The following PASD1 variants were observed in gnomAD, a reference collection of about 807,000 sequenced individuals.
PASD1 encodes circadian clock protein PASD1.
PASD1 carries 13 observed loss-of-function variants against 58.8 expected under a neutral mutation model. The ratio of observed to expected loss-of-function variants is 0.22; its 90% CI spans 0.14 to 0.35. The LOEUF (loss-of-function observed/expected upper bound fraction) is 0.35. Ranked by LOEUF, PASD1 falls within the 10% of genes least tolerant of loss-of-function variation. The pLI is 1.00. For missense variants in PASD1, 734 were observed against 568.3 expected (o/e 1.29, Z -2.96); for synonymous variants, 236 against 216.7 (o/e 1.09, Z -0.78).
chrX:151,653,390 C>G (rs908041131), intron 9 of PASD1, among the ~76,000 whole-genome samples: 4 of 109,323 alleles, frequency 3.7e-5, no homozygotes, highest in Admixed American at 9.8e-5. Flanking sequence ...CGGGGTTTCA[C>G]CGTGTTGGCC....
intron 8 of PASD1, among the ~76,000 whole-genome samples, chrX:151,642,697 T>C (rs953785211): frequency 2.7e-5 from 3 of 112,646 alleles, no homozygotes; most frequent in African/African-American, 6.5e-5. Flanking sequence ...CCCAAACTTA[T>C]ATCTTTGAAC....
At chrX:151,656,585 A>G (rs1464051627) in intron 9 of PASD1, among the ~76,000 whole-genome samples, 8 of 110,796 alleles carry the variant, frequency 7.2e-5, no homozygotes, top group Non-Finnish European at 1.3e-4. Flanking sequence ...TCCCTTGTAA[A>G]TTGGATTCCT....
chrX:151,631,209 AT>A (rs34456830), intron 8 of PASD1, among the ~76,000 whole-genome samples: 24,625 of 111,157 alleles, frequency 0.22, 2,193 homozygotes, highest in Non-Finnish European at 0.28. Context: ...CTACATATCT[AT>A]AAGGTAGATT....
chrX:151,581,500 G>T (rs1014572299), intron 1 of PASD1, among the ~76,000 whole-genome samples: 1 of 109,792 alleles, frequency 9.1e-6, no homozygotes, highest in Non-Finnish European at 1.9e-5. Context: ...CTGAGGTAGA[G>T]TATCACTTGA....
chrX:151,565,706 C>T (rs1425576074), intron 1 of PASD1, among the ~76,000 whole-genome samples: 4 of 109,942 alleles, frequency 3.6e-5, no homozygotes, highest in African/African-American at 6.6e-5. Context: ...TATAGGCGCC[C>T]GCTACCATGC....
intron 9 of PASD1, among the ~76,000 whole-genome samples, chrX:151,652,364 T>G (rs1172059808): frequency 9.1e-6 from 1 of 110,090 alleles, no homozygotes; most frequent in African/African-American, 3.3e-5. Context: ...AAACCCCGTC[T>G]CTACTAAAAA....
chrX:151,623,815 A>G (rs1005671306), intron 7 of PASD1, among the ~76,000 whole-genome samples: 3 of 111,604 alleles, frequency 2.7e-5, no homozygotes, highest in African/African-American at 9.8e-5. Flanking sequence ...ACGCAGGTAG[A>G]TGGTTCAACA....
At chrX:151,619,086 T>TA (rs1185280904) in intron 4 of PASD1, among the ~76,000 whole-genome samples, 1 of 111,073 alleles carries the variant, frequency 9.0e-6, no homozygotes, top group Non-Finnish European at 1.9e-5. Context: ...GGAGAGCAGT[T>TA]ACGGCTACTG....
chrX:151,668,902 C>A (rs28850103), intron 11 of PASD1, among the ~76,000 whole-genome samples: 12 of 86,478 alleles, frequency 1.4e-4, no homozygotes, highest in Admixed American at 1.3e-4. Context: ...AGAGACACAA[C>A]AAAAAAAAAA....
chrX:151,617,177 A>G (rs143489467), intron 4 of PASD1, among the ~76,000 whole-genome samples: 1,569 of 111,538 alleles, frequency 0.014, 9 homozygotes, highest in Non-Finnish European at 0.022. Flanking sequence ...AAGTACCTTG[A>G]TCTTTCTACC....
intron 1 of PASD1, among the ~76,000 whole-genome samples, chrX:151,587,387 T>C (rs1224457289): frequency 9.0e-6 from 1 of 111,068 alleles, no homozygotes; most frequent in East Asian, 2.8e-4. Context: ...AACATGGGTT[T>C]TCTACCAGGC....
rs189166666 is a variant in PASD1 at position 151,651,148 on chromosome X, G to C, written c.717+2446G>C. Among the ~76,000 whole-genome samples, 8 of 111,944 alleles carry C rather than the reference G, an allele frequency of 7.1e-5. No individual in the cohort carries two copies. The East Asian group carries it at 2.3e-3, about 31-fold the overall frequency. On this transcript the variant is annotated intron_variant, in intron 9 of 15. Coordinates refer to ENST00000370357, the MANE Select transcript of PASD1 (RefSeq NM_173493.3). Reference sequence around the variant, plus strand: ...TACTGGAAATCCTCATAACACACAAGACATTAAGTGAGAGTACATAGAAAT... The same window carrying C: ...TACTGGAAATCCTCATAACACACAACACATTAAGTGAGAGTACATAGAAAT...
At chrX:151,575,876 T>C (rs1335577912) in intron 1 of PASD1, among the ~76,000 whole-genome samples, 1 of 109,686 alleles carries the variant, frequency 9.1e-6, no homozygotes, top group East Asian at 2.8e-4. Context: ...ATTTATTTAT[T>C]CTTTTGAGAC....
chrX:151,618,380 A>G (rs2013664369), intron 4 of PASD1, among the ~76,000 whole-genome samples: 1 of 112,355 alleles, frequency 8.9e-6, no homozygotes, highest in Non-Finnish European at 1.9e-5. Context: ...TACAAGGAAT[A>G]CTTTATTACT....
intron 15 of PASD1, among the ~76,000 whole-genome samples, chrX:151,675,191 A>C (rs759819696): frequency 1.8e-5 from 2 of 112,214 alleles, no homozygotes; most frequent in Non-Finnish European, 3.8e-5. Context: ...AGATTCTGAA[A>C]GGTTGCTCAG....
intron 1 of PASD1, among the ~76,000 whole-genome samples, chrX:151,567,339 G>C (rs748371756): frequency 1.8e-4 from 20 of 111,147 alleles, no homozygotes; most frequent in African/African-American, 6.5e-4. Flanking sequence ...GAGAAATTTG[G>C]GTAAGTTTAG....
chrX:151,585,359 C>A (rs1410369942), intron 1 of PASD1, among the ~76,000 whole-genome samples: 3 of 112,117 alleles, frequency 2.7e-5, no homozygotes, highest in Admixed American at 1.9e-4. Context: ...AAATAAATTA[C>A]TTGCTGCAGA....
chrX:151,623,327 G>A (rs892179048), intron 7 of PASD1, among the ~76,000 whole-genome samples: 1 of 111,867 alleles, frequency 8.9e-6, no homozygotes, highest in Admixed American at 9.6e-5. Context: ...ATTATAAAAT[G>A]TAGGTGCTGG....
rs769826254 is a variant in PASD1 at position 151,638,502 on chromosome X, A to C, written c.630-10113A>C. Among the ~76,000 whole-genome samples, 4 of 110,813 alleles carry C rather than the reference A, an allele frequency of 3.6e-5. No individual in the cohort carries two copies. In the East Asian group the frequency reaches 1.1e-3, roughly 31 times the overall value. On this transcript the variant is annotated intron_variant, in intron 8 of 15. Coordinates refer to ENST00000370357, the MANE Select transcript of PASD1 (RefSeq NM_173493.3). ...ACTGAGTGCTTACTGTGTATCAGGC[A>C]TGGTTCAGAGTATTTTAAACACATC...
Sources: gnomAD v4.1 joint callset for allele counts (sites outside exome capture counted in the v4.1 genomes callset) on GRCh38, gnomAD v4.1.1 for gene constraint, MANE v1.5 for transcripts, NCBI Gene and HGNC (gene_info 2026-07-23, HGNC 2026-07-21) for gene names.